VDR: variants seen among roughly 807,000 people sequenced by gnomAD.
The protein encoded by VDR is vitamin D receptor.
A neutral mutation model predicts 39.7 loss-of-function variants in VDR; 19 were observed. The ratio of observed to expected loss-of-function variants is 0.48; its 90% CI spans 0.33 to 0.70. The LOEUF (loss-of-function observed/expected upper bound fraction) is 0.70. VDR is among the 30% of genes least tolerant of loss of function. The pLI, the probability that VDR is intolerant of heterozygous loss-of-function variation, is 0.02. For missense variants in VDR, 442 were observed against 570.5 expected (o/e 0.77, Z 2.29); for synonymous variants, 242 against 215.8 (o/e 1.12, Z -1.07).
chr12:47,856,359 C>T (rs948713851), intron 6 of VDR, among the ~76,000 whole-genome samples: 1 of 152,126 alleles, frequency 6.6e-6, no homozygotes, highest in Non-Finnish European at 1.5e-5. Flanking sequence ...TCCTGGAATT[C>T]ATTGTAAGGG....
chr12:47,893,402 C>T (rs1037839972), intron 1 of VDR, among the ~76,000 whole-genome samples: 1 of 151,664 alleles, frequency 6.6e-6, no homozygotes, highest in Non-Finnish European at 1.5e-5. Context: ...ATAGGACCAT[C>T]AGTAGTCGAG....
intron 3 of VDR, among the ~76,000 whole-genome samples, chr12:47,868,611 A>C (rs1412631892): frequency 6.6e-6 from 1 of 152,168 alleles, no homozygotes; most frequent in Non-Finnish European, 1.5e-5. Context: ...GGACATCTGT[A>C]TGTTCCAGGA....
Position 47,855,557 on chromosome 12 carries a change from T to C in VDR, c.755+73A>G, listed in dbSNP as rs1215768732. ...ATAAAAAAAAGAAGTGGTGGATGAG[T>C]GATCTCCAACCCTTCTTGTAGCTCA... On this transcript the variant is annotated intron_variant, in intron 7 of 9. Transcript: ENST00000549336. The C allele has an allele frequency of 2.3e-5, 35 of 1,549,144 alleles. No individual in the cohort carries two copies. The East Asian group carries it at 7.2e-4, about 32-fold the overall frequency.
chr12:47,869,322 G>C (rs1052293257), intron 3 of VDR, among the ~76,000 whole-genome samples: 5 of 152,080 alleles, frequency 3.3e-5, no homozygotes, highest in African/African-American at 1.2e-4. Flanking sequence ...GGATCGCGAG[G>C]TCAGGAGATC....
chr12:47,845,826 C>G (rs1219911761), intron 9 of VDR, among the ~76,000 whole-genome samples: 1 of 152,218 alleles, frequency 6.6e-6, no homozygotes, highest in African/African-American at 2.4e-5. Context: ...ATCATGTCCC[C>G]AAGGTCACAA....
chr12:47,865,131 C>T lies in VDR; in HGVS notation c.193G>A (p.Asp65Asn). The T allele has an allele frequency of 6.2e-7, 1 of 1,613,788 alleles. No homozygotes were observed. Among genetic ancestry groups the T allele is most frequent in the Non-Finnish European group, 8.5e-7 (1 of 1,179,744 alleles). Reference sequence around the variant, plus strand: ...CGGTTGTCCTTGGTGATGCGGCAGTCCCCGTTGAAGGGGCAGGTGAATAGT... The same window carrying T: ...CGGTTGTCCTTGGTGATGCGGCAGTTCCCGTTGAAGGGGCAGGTGAATAGT... ...KALFTCPFNGDCRITKDNRRH... is the reference protein window; with the variant it reads ...KALFTCPFNGNCRITKDNRRH... The change falls in exon 4 of 10, where the codon GAC becomes AAC. Residue 65 changes from aspartate to asparagine, a missense_variant. By Grantham distance (23) the Asp-to-Asn change is conservative. Coordinates refer to ENST00000549336, the MANE Select transcript of VDR (RefSeq NM_000376.3).
chr12:47,867,743 A>G (rs983609952), intron 3 of VDR, among the ~76,000 whole-genome samples: 1 of 152,228 alleles, frequency 6.6e-6, no homozygotes, highest in African/African-American at 2.4e-5. Context: ...CCCAGGCCCA[A>G]CCATTTCCTT....
chr12:47,895,953 C>A (rs1169117517), intron 1 of VDR, among the ~76,000 whole-genome samples: 1 of 152,326 alleles, frequency 6.6e-6, no homozygotes, highest in South Asian at 2.1e-4. Flanking sequence ...CTGGCCCTGG[C>A]CCCCTGACCA....
At chr12:47,871,338 C>CTTTCTT (rs1555153542) in intron 3 of VDR, among the ~76,000 whole-genome samples, 6 of 145,384 alleles carry the variant, frequency 4.1e-5, no homozygotes, top group African/African-American at 1.5e-4. Context: ...TTCTTTCTTT[C>CTTTCTT]TTTCTTTCTT....
intron 1 of VDR, chr12:47,896,854 GAAATTCAGAGCCGTTTGGAAC>G (rs1188573478): frequency 6.6e-6 from 1 of 152,194 alleles, no homozygotes; most frequent in Admixed American, 6.5e-5. Context: ...CAGAAGTCCG[GAAATTCAGAGCCGTTTGGAAC>G]AAAGAACTCT....
chr12:47,878,977 C>A lies in VDR; in HGVS notation c.137G>T (p.Gly46Val), dbSNP rs121909797. 19 of 1,614,098 alleles carry A rather than the reference C, an allele frequency of 1.2e-5. No homozygotes were observed. The highest frequency in any genetic ancestry group is 8.3e-5 in the Admixed American group (5 of 60,014). ...FNAMTCEGCK[G>V]FFRRSMKRKA... ...TGGGAGGAGGGCTCACCTGAAGAAG[C>A]CTTTGCAGCCTTCACAGGTCATAGC... is the stretch of plus-strand genomic sequence containing the variant. Residue 46 changes from glycine (G) to valine (V), a missense_variant, in exon 3 of 10, where the codon GGC becomes GTC. By Grantham distance (109) the Gly-to-Val change is moderately radical. Coordinates refer to ENST00000549336, the MANE Select transcript of VDR (RefSeq NM_000376.3).
intron 1 of VDR, among the ~76,000 whole-genome samples, chr12:47,883,620 GACAC>G (rs149104045): frequency 6.6e-6 from 1 of 151,820 alleles, no homozygotes; most frequent in Non-Finnish European, 1.5e-5. Flanking sequence ...CAAACAGACA[GACAC>G]ACACACACAC....
At chr12:47,903,085 C>T (rs975727482) in intron 1 of VDR, among the ~76,000 whole-genome samples, 24 of 152,248 alleles carry the variant, frequency 1.6e-4, no homozygotes, top group Non-Finnish European at 5.9e-5. Flanking sequence ...CAAACAAAGT[C>T]TGATGGCCTC....
intron 4 of VDR, among the ~76,000 whole-genome samples, chr12:47,864,762 C>T (rs12300244): frequency 6.6e-4 from 100 of 152,324 alleles, no homozygotes; most frequent in African/African-American, 2.2e-3. Context: ...AGGCAGTGTC[C>T]GGCCTCTCCT....
At chr12:47,903,224 A>T (rs1412188004) in intron 1 of VDR, among the ~76,000 whole-genome samples, 1 of 152,150 alleles carries the variant, frequency 6.6e-6, no homozygotes, top group Non-Finnish European at 1.5e-5. Context: ...AGACCAGCCA[A>T]ACCCAAAGCC....
rs140331946 is a variant in VDR, at chr12:47,855,753, T to A, written c.632A>T (p.Asp211Val). 1.9e-6 allele frequency: 3 copies of A among 1,614,168 alleles called. No homozygotes were observed. Among genetic ancestry groups the A allele is most frequent in the Non-Finnish European group, 2.5e-6 (3 of 1,180,004 alleles). ...SFSNLDLSEE[D>V]SDDPSVTLEL... Reference sequence around the variant, plus strand: ...TAGGGTCACAGAAGGGTCATCTGAATCTTCTTCACTCAGATCCAGATTGGA... The same window carrying A: ...TAGGGTCACAGAAGGGTCATCTGAAACTTCTTCACTCAGATCCAGATTGGA... Residue 211 changes from aspartate to valine, a missense_variant, in exon 7 of 10, where the codon GAT becomes GTT. By Grantham distance (152) the Asp-to-Val change is radical. This residue lies in a region of VDR where 77 missense variants were observed against 67.4 expected (regional missense o/e 1.14). Coordinates refer to ENST00000549336, the MANE Select transcript of VDR (RefSeq NM_000376.3).
At chr12:47,899,696 G>A (rs1258439346) in intron 1 of VDR, 4 of 164,224 alleles carry the variant, frequency 2.4e-5, no homozygotes, top group Non-Finnish European at 5.1e-5. Context: ...CTGACAAAGC[G>A]GTTTGTATGG....
rs779102790 is a variant in VDR, at chr12:47,878,885, A to G, written c.146+83T>C. 18 of 1,608,102 alleles carry G rather than the reference A, an allele frequency of 1.1e-5. No individual in the cohort carries two copies. In the African/African-American group the frequency reaches 1.2e-4, roughly 11 times the overall value. ...GGACATTGTAAGGAAGGAGATGTGA[A>G]AAATGCAAGGGCTCCCTTCATGGAA... On this transcript the variant is annotated intron_variant, in intron 3 of 9. Coordinates refer to ENST00000549336, the MANE Select transcript of VDR (RefSeq NM_000376.3).
In VDR at chr12:47,846,397, T is replaced by C; in HGVS notation, c.962A>G (p.Lys321Arg). 6.3e-7 allele frequency: 1 copy of C among 1,584,724 alleles called. No homozygotes were observed. Reference protein sequence around the residue: ...EPLIKFQVGLKKLNLHEEEHV... With the variant: ...EPLIKFQVGLRKLNLHEEEHV... The stretch of plus-strand genomic sequence containing the variant: ...CTCCTCCTCATGCAAGTTCAGCTTC[T>C]TCAGTCCCACCTGGAACTTGATGAG... Residue 321 changes from lysine (K) to arginine (R), a missense_variant, in exon 9 of 10, where the codon AAG (lysine) becomes AGG (arginine). Around this residue, in one of 5 missense-constraint regions of VDR, gnomAD observed 173 missense variants for 252.0 expected, o/e 0.69. Coordinates refer to ENST00000549336, the MANE Select transcript of VDR (RefSeq NM_000376.3).
Sources: gnomAD v4.1 joint callset for allele counts (sites outside exome capture counted in the v4.1 genomes callset) on GRCh38, gnomAD v4.1.1 for gene constraint, gnomAD v4.1.1 regional missense constraint, MANE v1.5 for transcripts, NCBI Gene and HGNC (gene_info 2026-07-23, HGNC 2026-07-21) for gene names.